PRKCH: variants seen among roughly 807,000 people sequenced by gnomAD.
The protein encoded by PRKCH is protein kinase C eta type.
In PRKCH, 28 loss-of-function variants were observed where a neutral mutation model predicts 82.5. That is an observed-to-expected ratio of 0.34 (90% CI 0.25 to 0.47). The LOEUF (loss-of-function observed/expected upper bound fraction) is 0.47, where lower values mean the gene tolerates loss of function less well. Ranked by LOEUF, PRKCH falls within the 20% of genes least tolerant of loss-of-function variation. The pLI, the probability that PRKCH is intolerant of heterozygous loss-of-function variation, is 1.00. For missense variants in PRKCH, 705 were observed against 881.8 expected (o/e 0.80, Z 2.54); for synonymous variants, 322 against 327.4 (o/e 0.98, Z 0.18).
chr14:61,445,030 G>C (rs1287603066), intron 3 of PRKCH, among the ~76,000 whole-genome samples: 1 of 152,208 alleles, frequency 6.6e-6, no homozygotes, highest in East Asian at 1.9e-4. Flanking sequence ...AAATGAAATG[G>C]TATATATCAG....
At chr14:61,403,767 G>A (rs1266462808) in intron 2 of PRKCH, among the ~76,000 whole-genome samples, 1 of 152,056 alleles carries the variant, frequency 6.6e-6, no homozygotes, top group Non-Finnish European at 1.5e-5. Flanking sequence ...TTACTGACTA[G>A]CATTCTCCTT....
chr14:61,229,801 G>C (rs2044726611), intron 1 of PRKCH, among the ~76,000 whole-genome samples: 1 of 152,114 alleles, frequency 6.6e-6, no homozygotes, highest in Non-Finnish European at 1.5e-5. Context: ...TTCTTCCAGG[G>C]GGAGAACAGG....
intron 1 of PRKCH, among the ~76,000 whole-genome samples, chr14:61,302,716 T>C (rs2045456700): frequency 6.6e-6 from 1 of 152,238 alleles, no homozygotes; most frequent in East Asian, 1.9e-4. Context: ...ATTTCTAATT[T>C]CATTCTGTTA....
intron 1 of PRKCH, among the ~76,000 whole-genome samples, chr14:61,211,941 G>A (rs756482824): frequency 6.6e-6 from 1 of 152,134 alleles, no homozygotes. Context: ...GGAGTGAAGC[G>A]ATTCAGCCCA....
intron 1 of PRKCH, among the ~76,000 whole-genome samples, chr14:61,219,782 T>G (rs2044641163): frequency 6.6e-6 from 1 of 152,204 alleles, no homozygotes; most frequent in South Asian, 2.1e-4. Context: ...TAACGAAGCT[T>G]CTTTATAAAT....
chr14:61,248,412 G>A (rs2140071100), intron 1 of PRKCH, among the ~76,000 whole-genome samples: 1 of 152,306 alleles, frequency 6.6e-6, no homozygotes, highest in Non-Finnish European at 1.5e-5. Context: ...AAAAACCAGA[G>A]CAGCATAAAC....
At chr14:61,309,889 C>G (rs2045508081) in intron 1 of PRKCH, among the ~76,000 whole-genome samples, 1 of 152,118 alleles carries the variant, frequency 6.6e-6, no homozygotes, top group African/African-American at 2.4e-5. Flanking sequence ...CCTCAGGAAA[C>G]TTACAATCAT....
At chr14:61,283,587 C>A (rs1342898730) in intron 1 of PRKCH, among the ~76,000 whole-genome samples, 2 of 151,944 alleles carry the variant, frequency 1.3e-5, no homozygotes, top group African/African-American at 2.4e-5. Context: ...TGGCTCATGC[C>A]TATAATTCAA....
At chr14:61,310,757 C>A (rs1246188730) in intron 1 of PRKCH, among the ~76,000 whole-genome samples, 1 of 152,250 alleles carries the variant, frequency 6.6e-6, no homozygotes, top group African/African-American at 2.4e-5. Flanking sequence ...CTTTGCAGTG[C>A]CCTAGCAGAG....
intron 12 of PRKCH, among the ~76,000 whole-genome samples, chr14:61,546,588 AG>A (rs2140042692): frequency 6.6e-6 from 1 of 152,298 alleles, no homozygotes; most frequent in Non-Finnish European, 1.5e-5. Flanking sequence ...TGGCAGTGGG[AG>A]GTACCTCCAA....
At chr14:61,466,996 G>A (rs1046640207) in intron 9 of PRKCH, among the ~76,000 whole-genome samples, 5 of 152,278 alleles carry the variant, frequency 3.3e-5, no homozygotes, top group East Asian at 3.9e-4. Context: ...ATGATCTCAC[G>A]TGTGCTCAGT....
chr14:61,447,410 T>C (rs1160032782), intron 4 of PRKCH, among the ~76,000 whole-genome samples: 1 of 152,210 alleles, frequency 6.6e-6, no homozygotes, highest in Non-Finnish European at 1.5e-5. Flanking sequence ...AGTAGGGATA[T>C]AGGTGATCTA....
intron 12 of PRKCH, among the ~76,000 whole-genome samples, chr14:61,539,625 TAAAG>T (rs1258945251): frequency 1.3e-5 from 2 of 151,796 alleles, no homozygotes; most frequent in African/African-American, 4.8e-5. Context: ...TTATTTTTAA[TAAAG>T]AAAAGCCCAT....
At chr14:61,408,956 G>A (rs770841592) in intron 2 of PRKCH, among the ~76,000 whole-genome samples, 36 of 152,178 alleles carry the variant, frequency 2.4e-4, no homozygotes, top group Non-Finnish European at 4.4e-4. Context: ...GGGCAAGGTC[G>A]GGAAGGTGTA....
intron 10 of PRKCH, among the ~76,000 whole-genome samples, chr14:61,517,198 A>G (rs915236019): frequency 2.0e-5 from 3 of 152,184 alleles, no homozygotes; most frequent in Non-Finnish European, 4.4e-5. Flanking sequence ...CTGGTCCCGT[A>G]AATTCTTCTC....
intron 12 of PRKCH, among the ~76,000 whole-genome samples, chr14:61,537,142 C>G (rs1219061567): frequency 1.3e-5 from 2 of 152,164 alleles, no homozygotes; most frequent in East Asian, 3.9e-4. Context: ...ATTTTTCTTG[C>G]TTCCCCTTCT....
intron 1 of PRKCH, among the ~76,000 whole-genome samples, chr14:61,360,019 C>G (rs1005332658): frequency 2.6e-5 from 4 of 152,206 alleles, no homozygotes; most frequent in African/African-American, 7.2e-5. Context: ...TACTTACTTA[C>G]CATTTTATAT....
intron 2 of PRKCH, among the ~76,000 whole-genome samples, chr14:61,403,942 C>G (rs1187486766): frequency 1.3e-5 from 2 of 152,078 alleles, no homozygotes; most frequent in African/African-American, 4.8e-5. Flanking sequence ...GTTAATTGCT[C>G]CAGTGTCTGT....
At chr14:61,424,737 TG>T (rs1319995259) in intron 2 of PRKCH, among the ~76,000 whole-genome samples, 1 of 152,016 alleles carries the variant, frequency 6.6e-6, no homozygotes, top group Non-Finnish European at 1.5e-5. Context: ...ACCAAGACAA[TG>T]GGGAAAATGT....
Sources: gnomAD v4.1 joint callset for allele counts (sites outside exome capture counted in the v4.1 genomes callset) on GRCh38, gnomAD v4.1.1 for gene constraint, MANE v1.5 for transcripts, NCBI Gene and HGNC (gene_info 2026-07-23, HGNC 2026-07-21) for gene names.